The following NAV2 variants were observed in gnomAD, a reference collection of about 807,000 sequenced individuals.
NAV2 encodes neuron navigator 2.
NAV2 carries 54 observed loss-of-function variants against 223.2 expected under a neutral mutation model. That is an observed-to-expected ratio of 0.24 (90% CI 0.19 to 0.30). The LOEUF (loss-of-function observed/expected upper bound fraction) is 0.30, where lower values mean the gene tolerates loss of function less well. Among genes scored for constraint, NAV2 ranks in the 10% least tolerant of loss-of-function variants. The pLI is 1.00. For missense variants in NAV2, 2,806 were observed against 3,147.5 expected (o/e 0.89, Z 2.60); for synonymous variants, 1,279 against 1,239.3 (o/e 1.03, Z -0.67).
chr11:19,640,116 T>C (rs1267180571), intron 1 of NAV2, among the ~76,000 whole-genome samples: 3 of 152,200 alleles, frequency 2.0e-5, no homozygotes, highest in Non-Finnish European at 4.4e-5. Context: ...AAAACATCTA[T>C]ATGTTTCAGG....
chr11:19,884,473 G>A, intron 5 of NAV2: 1 of 874,312 alleles, frequency 1.1e-6, no homozygotes, highest in African/African-American at 1.7e-5. Flanking sequence ...TTTCATGTTT[G>A]CAGTTCGAGA....
intron 1 of NAV2, among the ~76,000 whole-genome samples, chr11:19,534,364 G>C (rs2044122457): frequency 6.6e-6 from 1 of 152,146 alleles, no homozygotes; most frequent in African/African-American, 2.4e-5. Context: ...TGTAATCATG[G>C]GTCCAACAGC....
At chr11:19,483,861 G>A (rs1312114546) in intron 1 of NAV2, among the ~76,000 whole-genome samples, 19 of 152,074 alleles carry the variant, frequency 1.2e-4, no homozygotes. Flanking sequence ...AGACAAGACT[G>A]GGGCACACAG....
intron 3 of NAV2, among the ~76,000 whole-genome samples, chr11:19,850,047 C>G (rs149455739): frequency 1.1e-3 from 174 of 152,288 alleles, no homozygotes; most frequent in Middle Eastern, 6.8e-3. Context: ...ACTCTACACC[C>G]CAGCGAGACC....
chr11:20,053,646 G>A (rs1041910892), intron 17 of NAV2, among the ~76,000 whole-genome samples: 12 of 152,284 alleles, frequency 7.9e-5, no homozygotes, highest in African/African-American at 2.9e-4. Context: ...TTCATATGCT[G>A]TGATTCATGG....
intron 1 of NAV2, among the ~76,000 whole-genome samples, chr11:19,698,844 G>A (rs545141611): frequency 6.6e-6 from 1 of 152,348 alleles, no homozygotes; most frequent in East Asian, 1.9e-4. Context: ...GTGTGTATGT[G>A]TGTGTGTAGG....
intron 1 of NAV2, among the ~76,000 whole-genome samples, chr11:19,524,587 G>A (rs1590406593): frequency 1.3e-5 from 2 of 152,178 alleles, no homozygotes; most frequent in East Asian, 3.8e-4. Context: ...CAGGGCTGCC[G>A]GCTATGGAGA....
chr11:19,933,259 C>T lies in NAV2; in HGVS notation c.1015C>T (p.Pro339Ser), dbSNP rs771329217. The change falls in exon 7 of 38, where the codon CCT (proline) becomes TCT (serine). Residue 339 changes from proline to serine, a missense_variant. By Grantham distance (74) the Pro-to-Ser change is moderately conservative (BLOSUM62 -1). This residue lies in a region of NAV2 where 1,167 missense variants were observed against 1,180.5 expected (regional missense o/e 0.99). Coordinates refer to ENST00000349880, the MANE Select transcript of NAV2 (RefSeq NM_145117.5). This position sits in a 1 kb window ranked among gnomAD's most constrained non-coding sequence, Gnocchi z 4.3. ...ASLESGSSST[P>S]TNCSTSSAIP... is the part of the protein sequence containing the mutation. ...CTTGGAGAGCGGCAGCAGCTCCACC[C>T]CTACTAATTGCAGTACCTCCTCGGC... The T allele has an allele frequency of 1.2e-6, 2 of 1,611,442 alleles. No homozygotes were observed. The highest frequency in any genetic ancestry group is 1.7e-6 in the Non-Finnish European group (2 of 1,178,868).
intron 10 of NAV2, among the ~76,000 whole-genome samples, chr11:19,975,658 C>G (rs143907225): frequency 6.6e-6 from 1 of 152,178 alleles, no homozygotes; most frequent in Non-Finnish European, 1.5e-5. Flanking sequence ...TGAGATTGAG[C>G]CTGTGTGCTA....
chr11:19,539,555 A>T (rs985890527), intron 1 of NAV2, among the ~76,000 whole-genome samples: 6 of 152,220 alleles, frequency 3.9e-5, no homozygotes, highest in Admixed American at 6.5e-5. Context: ...AGGTACATAC[A>T]TCATGGTAAG....
At chr11:19,721,768 T>C (rs2050767102) in intron 1 of NAV2, among the ~76,000 whole-genome samples, 1 of 152,222 alleles carries the variant, frequency 6.6e-6, no homozygotes, top group Non-Finnish European at 1.5e-5. Flanking sequence ...TCCATTTCAA[T>C]GGTATTGGGG....
chr11:19,860,750 T>G (rs963707193), intron 3 of NAV2, among the ~76,000 whole-genome samples: 3 of 152,086 alleles, frequency 2.0e-5, no homozygotes, highest in Non-Finnish European at 4.4e-5. Context: ...CATTGAGCAC[T>G]GAGTGAAGGA....
At chr11:20,070,373 A>G (rs6483640) in intron 22 of NAV2, among the ~76,000 whole-genome samples, 88,300 of 151,990 alleles carry the variant, frequency 0.58, 26,517 homozygotes, top group East Asian at 0.92. Context: ...GCCTTTACTA[A>G]TCAACAAATA....
chr11:20,009,591 T>C (rs1239472138), intron 11 of NAV2, among the ~76,000 whole-genome samples: 1 of 152,218 alleles, frequency 6.6e-6, no homozygotes, highest in African/African-American at 2.4e-5. Flanking sequence ...TTGGTATGTC[T>C]GCATCTCTGC....
chr11:19,352,937 C>T (rs563825188), intron 1 of NAV2, among the ~76,000 whole-genome samples: 10 of 152,246 alleles, frequency 6.6e-5, no homozygotes, highest in Admixed American at 3.9e-4. Context: ...GGTAAACATA[C>T]ACCCCATTTG....
At chr11:19,996,702 G>A (rs2051924199) in intron 11 of NAV2, among the ~76,000 whole-genome samples, 1 of 152,176 alleles carries the variant, frequency 6.6e-6, no homozygotes, top group Non-Finnish European at 1.5e-5. Context: ...TCTCAGTAAT[G>A]CAGAAAGAAG....
chr11:19,675,418 G>C (rs971514134), intron 1 of NAV2, among the ~76,000 whole-genome samples: 2 of 151,960 alleles, frequency 1.3e-5, no homozygotes, highest in Non-Finnish European at 2.9e-5. Flanking sequence ...GCTCACACAC[G>C]CATGCATACA....
chr11:20,077,735 A>G (rs2059851987), intron 23 of NAV2, 100 bp downstream of exon 23: 1 of 1,014,562 alleles, frequency 9.9e-7, no homozygotes, highest in African/African-American at 1.6e-5. Context: ...ATGTTAATGT[A>G]TTTCTTGAAC....
chr11:19,845,531 G>C (rs1193034270), intron 3 of NAV2, among the ~76,000 whole-genome samples: 1 of 152,168 alleles, frequency 6.6e-6, no homozygotes, highest in African/African-American at 2.4e-5. Flanking sequence ...TTTAATAATA[G>C]AGACAAAAGG....
Sources: gnomAD v4.1 joint callset for allele counts (sites outside exome capture counted in the v4.1 genomes callset) on GRCh38, gnomAD v4.1.1 for gene constraint, gnomAD v4.1.1 regional missense constraint, Gnocchi (gnomAD v3.1) non-coding constraint, MANE v1.5 for transcripts, NCBI Gene and HGNC (gene_info 2026-07-23, HGNC 2026-07-21) for gene names.